The following EIF2B5 variants were observed in gnomAD, a reference collection of about 807,000 sequenced individuals.
EIF2B5 encodes translation initiation factor eIF2B subunit epsilon.
EIF2B5 carries 38 observed loss-of-function variants against 87.3 expected under a neutral mutation model. That is an observed-to-expected ratio of 0.44 (90% confidence interval 0.34 to 0.57). The LOEUF (loss-of-function observed/expected upper bound fraction) is 0.57. EIF2B5 is among the 20% of genes least tolerant of loss of function. The probability of loss-of-function intolerance (pLI) is 0.02; values close to 1 mark genes in which losing one functional copy is unlikely to be tolerated. For missense variants in EIF2B5, 784 were observed against 909.5 expected (o/e 0.86, Z 1.78); for synonymous variants, 313 against 339.6 (o/e 0.92, Z 0.86).
intron 1 of EIF2B5, 66 bp from the exon 2 acceptor site, chr3:184,136,546 A>G (rs1713368503): frequency 1.9e-6 from 3 of 1,602,010 alleles, no homozygotes; most frequent in Admixed American, 1.7e-5. Flanking sequence ...AGGAGTGAAA[A>G]TTGTTGCAGT....
Position 184,141,994 on chromosome 3 carries a change from A to C in EIF2B5, c.1226A>C (p.His409Pro). 6.2e-7 allele frequency: 1 copy of C among 1,614,132 alleles called. No individual in the cohort carries two copies. Among genetic ancestry groups the C allele is most frequent in the East Asian group, 2.2e-5 (1 of 44,880 alleles). The change falls in exon 8 of 16, where the codon CAT (histidine) becomes CCT (proline). Residue 409 changes from histidine to proline, a missense_variant. By Grantham distance (77) the His-to-Pro change is moderately conservative. Transcript: ENST00000648915. The part of the protein sequence containing the change: ...GVRVAAGAQI[H>P]QSLLCDNAEV... Reference sequence around the variant, plus strand: ...CGAGTGGCGGCTGGAGCACAGATCCATCAGTCTCTGCTTTGTGACAATGCT... The same window carrying C: ...CGAGTGGCGGCTGGAGCACAGATCCCTCAGTCTCTGCTTTGTGACAATGCT...
chr3:184,144,605 G>A lies in EIF2B5; in HGVS notation c.2004G>A (p.Met668Ile). ...TTATTGGCCTTTTGCAGGTACTGAT[G>A]GCTTTCTACCAGCTGGAGATCCTGG... is the stretch of plus-strand genomic sequence containing the variant. Reference protein sequence around the residue: ...ALGISMAKVLMAFYQLEILAE... With the variant: ...ALGISMAKVLIAFYQLEILAE... The change falls in exon 15 of 16, where the codon ATG (methionine) becomes ATA (isoleucine). Residue 668 changes from methionine (M) to isoleucine (I), a missense_variant. By Grantham distance (10) the Met-to-Ile change is conservative (BLOSUM62 1). Transcript: ENST00000648915. 1 of 1,614,094 alleles carries A rather than the reference G, an allele frequency of 6.2e-7. No individual in the cohort carries two copies.
intron 1 of EIF2B5, 195 bp downstream of exon 1, chr3:184,135,775 C>T (rs1404304900): frequency 1.4e-6 from 1 of 703,490 alleles, no homozygotes; most frequent in Non-Finnish European, 2.4e-6. Flanking sequence ...TTTGGGCATT[C>T]GTAATGCTGT....
At chr3:184,138,606 C>T (rs1336103041) in intron 5 of EIF2B5, among the ~76,000 whole-genome samples, 1 of 152,050 alleles carries the variant, frequency 6.6e-6, no homozygotes, top group South Asian at 2.1e-4. Flanking sequence ...CTACCTGTCT[C>T]AGCCTCCCAA....
At chr3:184,140,986 T>C in intron 7 of EIF2B5, 1 of 560,380 alleles carries the variant, frequency 1.8e-6, no homozygotes, top group East Asian at 3.0e-5. Context: ...AAGTAGATAA[T>C]TAACATGCAG....
intron 7 of EIF2B5, 35 bp from the exon 8 acceptor site, chr3:184,141,890 C>G (rs1215622342): frequency 6.2e-7 from 1 of 1,613,398 alleles, no homozygotes; most frequent in Non-Finnish European, 8.5e-7. Context: ...GGTTGGAACC[C>G]TGAGTTACCC....
chr3:184,144,812 G>GT, intron 15 of EIF2B5, 72 bp from the exon 16 acceptor site: 1 of 1,588,500 alleles, frequency 6.3e-7, no homozygotes, highest in Non-Finnish European at 8.6e-7. Flanking sequence ...TGTTAGAGCT[G>GT]TTTATCTGCC....
At chr3:184,139,356 C>G (rs1713517852) in intron 5 of EIF2B5, among the ~76,000 whole-genome samples, 1 of 139,872 alleles carries the variant, frequency 7.1e-6, no homozygotes, top group African/African-American at 2.6e-5. Flanking sequence ...TCTCAGCTCA[C>G]TGCAACCTCC....
chr3:184,138,299 C>A, intron 5 of EIF2B5, 53 bp downstream of exon 5: 2 of 1,468,598 alleles, frequency 1.4e-6, no homozygotes, highest in South Asian at 1.1e-5. Context: ...CTCTGTGGGT[C>A]TGTTATTGTC....
intron 6 of EIF2B5, 104 bp from the exon 7 acceptor site, chr3:184,140,314 G>A: frequency 7.1e-7 from 1 of 1,416,100 alleles, no homozygotes; most frequent in South Asian, 1.2e-5. Context: ...AATCTTTGTG[G>A]CAGTGAGAGG....
In EIF2B5 at chr3:184,140,550, A is replaced by G; in HGVS notation, c.976A>G (p.Asn326Asp). ...RWVYPLTPEANFTDSTTQSCT... is the reference protein window; with the variant it reads ...RWVYPLTPEADFTDSTTQSCT... ...GGTCTACCCTCTCACCCCAGAGGCG[A>G]ACTTCACTGACAGCACCACCCAGAG... Residue 326 changes from asparagine (N) to aspartate (D), a missense_variant, in exon 7 of 16, where the codon AAC becomes GAC. Asn to Asp is a conservative substitution (Grantham distance 23). Coordinates refer to ENST00000648915, the MANE Select transcript of EIF2B5 (RefSeq NM_003907.3). The G allele has an allele frequency of 6.2e-7, 1 of 1,614,136 alleles. No homozygotes were observed. Among genetic ancestry groups the G allele is most frequent in the Non-Finnish European group, 8.5e-7 (1 of 1,180,028 alleles).
At position 184,138,082 on chromosome 3, in the gene EIF2B5, G is replaced by A. The variant is rs765690715; in HGVS notation, c.684+7G>A. 5 of 1,614,040 alleles carry A rather than the reference G, an allele frequency of 3.1e-6. No homozygotes were observed. The highest frequency in any genetic ancestry group is 2.2e-5 in the South Asian group (2 of 91,078). On this transcript the variant is annotated splice_region_variant and intron_variant, in intron 4 of 15. Coordinates refer to ENST00000648915, the MANE Select transcript of EIF2B5 (RefSeq NM_003907.3). ...GCGTTTTGCATTTCCTCTGGTGTGT[G>A]GATATCTGGGGTCCTTTGAGATGGG...
intron 1 of EIF2B5, 119 bp downstream of exon 1, chr3:184,135,699 C>T: frequency 7.3e-7 from 1 of 1,378,746 alleles, no homozygotes; most frequent in Non-Finnish European, 1.0e-6. Flanking sequence ...TGCTGTTATC[C>T]TAAAACCGGA....
At position 184,135,555 on chromosome 3, in the gene EIF2B5, TC is replaced by T; in HGVS notation, c.174del (p.Ile59SerfsTer17). ...LVADSFDRRFFPISKDQPRVL... is the reference protein window; with the variant it reads ...LVADSFDRRFXPISKDQPRVL... ...GCCGATAGCTTCGATCGCCGCTTCT[TC>T]CCCATCTCCAAGGACCAGCCTCGGG... is the stretch of plus-strand genomic sequence containing the variant. On this transcript the variant is annotated frameshift_variant, in exon 1 of 16. Transcript: ENST00000648915. LOFTEE classifies it high-confidence loss of function. The T allele has an allele frequency of 6.3e-7, 1 of 1,590,668 alleles. No homozygotes were observed. Among genetic ancestry groups the T allele is most frequent in the Non-Finnish European group, 8.5e-7 (1 of 1,169,850 alleles).
In EIF2B5 at chr3:184,135,408, C is replaced by A; in HGVS notation, c.23C>A (p.Pro8Gln). The A allele has an allele frequency of 6.3e-7, 1 of 1,581,104 alleles. No homozygotes were observed. Residue 8 changes from proline to glutamine, a missense_variant, in exon 1 of 16, where the codon CCG becomes CAG. Pro to Gln is a moderately conservative substitution (Grantham distance 76). Around this residue, in one of 3 missense-constraint regions of EIF2B5, gnomAD observed 117 missense variants for 101.0 expected, o/e 1.16. Coordinates refer to ENST00000648915, the MANE Select transcript of EIF2B5 (RefSeq NM_003907.3). ...AAGATGGCGGCCCCTGTAGTGGCGC[C>A]GCCTGGTGTGGTGGTTAGTCGGGCT... is the stretch of plus-strand genomic sequence containing the variant. The part of the protein sequence containing the change: MAAPVVA[P>Q]PGVVVSRANK...
Position 184,140,169 on chromosome 3 carries a change from C to T in EIF2B5, c.843+12C>T. The T allele has an allele frequency of 6.2e-7, 1 of 1,608,404 alleles. No homozygotes were observed. Among genetic ancestry groups the T allele is most frequent in the Non-Finnish European group, 8.5e-7 (1 of 1,174,906 alleles). ...TAGTGAATGAGGAGGTGAGAAAAGT[C>T]TTCCAATGCCTCTTTAGGAGAGAGG... is the stretch of plus-strand genomic sequence containing the variant. On this transcript the variant is annotated intron_variant, in intron 6 of 15. Coordinates refer to ENST00000648915, the MANE Select transcript of EIF2B5 (RefSeq NM_003907.3).
chr3:184,136,004 T>G, intron 1 of EIF2B5: 1 of 230,026 alleles, frequency 4.3e-6, no homozygotes. Flanking sequence ...ATTTTTTTTT[T>G]CCTTCCAGGT....
In EIF2B5 at chr3:184,137,971, A is replaced by G. The variant is rs1208399091; in HGVS notation, c.580A>G (p.Thr194Ala). Residue 194 changes from threonine (T) to alanine (A), a missense_variant, in exon 4 of 16, where the codon ACT becomes GCT. Transcript: ENST00000648915. ...IFKESSPSHP[T>A]RCHEDNVVVA... ...CAAGGAGTCATCCCCCAGCCACCCA[A>G]CTCGTTGCCACGAAGACAATGTGGT... 1 of 1,614,112 alleles carries G rather than the reference A, an allele frequency of 6.2e-7. No individual in the cohort carries two copies. Among genetic ancestry groups the G allele is most frequent in the Admixed American group, 1.7e-5 (1 of 60,016 alleles).
At chr3:184,136,065 T>C (rs868100636) in intron 1 of EIF2B5, 32 of 222,618 alleles carry the variant, frequency 1.4e-4, no homozygotes, top group Middle Eastern at 1.9e-3. Context: ...GGTTTAGTGG[T>C]TGATTGCCAT....
Sources: gnomAD v4.1 joint callset for allele counts (sites outside exome capture counted in the v4.1 genomes callset) on GRCh38, gnomAD v4.1.1 for gene constraint, gnomAD v4.1.1 regional missense constraint, MANE v1.5 for transcripts, NCBI Gene and HGNC (gene_info 2026-07-23, HGNC 2026-07-21) for gene names.